PDGFD: variants seen among roughly 807,000 people sequenced by gnomAD.
PDGFD encodes the protein platelet derived growth factor D.
A neutral mutation model predicts 44.7 loss-of-function variants in PDGFD; 30 were observed. That is an observed-to-expected ratio of 0.67 (90% CI 0.50 to 0.91). The LOEUF (loss-of-function observed/expected upper bound fraction) is 0.91, where lower values mean the gene tolerates loss of function less well. Among genes scored for constraint, PDGFD ranks in the 40% least tolerant of loss-of-function variants. PDGFD has a pLI of 0.00. For missense variants in PDGFD, 445 were observed against 457.8 expected (o/e 0.97, Z 0.25); for synonymous variants, 173 against 168.4 (o/e 1.03, Z -0.21).
chr11:104,008,949 A>C (rs1455420092), intron 1 of PDGFD, among the ~76,000 whole-genome samples: 1 of 152,102 alleles, frequency 6.6e-6, no homozygotes, highest in Non-Finnish European at 1.5e-5. Context: ...TAAAGATAAC[A>C]AATAAAAGGC....
chr11:104,091,272 A>G (rs1451285315), intron 1 of PDGFD, among the ~76,000 whole-genome samples: 1 of 152,220 alleles, frequency 6.6e-6, no homozygotes, highest in Non-Finnish European at 1.5e-5. Flanking sequence ...CTTAAAAAAA[A>G]GAAATGTTTA....
intron 1 of PDGFD, among the ~76,000 whole-genome samples, chr11:104,160,484 T>C (rs1383925106): frequency 6.6e-6 from 1 of 152,212 alleles, no homozygotes; most frequent in Non-Finnish European, 1.5e-5. Flanking sequence ...GGCCAGTTAT[T>C]ATTACAAAAG....
chr11:104,162,678 G>A (rs918795182), intron 1 of PDGFD, among the ~76,000 whole-genome samples: 1 of 152,054 alleles, frequency 6.6e-6, no homozygotes, highest in Non-Finnish European at 1.5e-5. Context: ...TCCCTGCAAA[G>A]TCCAAAAGTC....
chr11:104,148,595 T>G (rs926160721), intron 1 of PDGFD, among the ~76,000 whole-genome samples: 3 of 152,228 alleles, frequency 2.0e-5, no homozygotes, highest in African/African-American at 7.2e-5. Flanking sequence ...TATTACATTT[T>G]TAACTTTTAT....
intron 5 of PDGFD, among the ~76,000 whole-genome samples, chr11:103,932,300 A>C (rs1858414779): frequency 1.3e-5 from 2 of 152,174 alleles, no homozygotes; most frequent in African/African-American, 4.8e-5. Flanking sequence ...TATATGAGCT[A>C]TTAAACCTCT....
At chr11:104,127,306 C>T (rs1245367620) in intron 1 of PDGFD, among the ~76,000 whole-genome samples, 1 of 152,084 alleles carries the variant, frequency 6.6e-6, no homozygotes, top group East Asian at 1.9e-4. Context: ...TCCCACCCAT[C>T]GACCTTCTGA....
chr11:103,988,463 T>C (rs1859404056), intron 3 of PDGFD, among the ~76,000 whole-genome samples: 1 of 152,082 alleles, frequency 6.6e-6, no homozygotes, highest in South Asian at 2.1e-4. Flanking sequence ...TGAAGAAAAT[T>C]ACAGCAGTAA....
chr11:104,077,698 T>G (rs1386761901), intron 1 of PDGFD, among the ~76,000 whole-genome samples: 2 of 151,556 alleles, frequency 1.3e-5, no homozygotes, highest in Non-Finnish European at 2.9e-5. Context: ...GATTTCCTCA[T>G]GATCCTCCAT....
intron 1 of PDGFD, among the ~76,000 whole-genome samples, chr11:104,032,262 G>C (rs1860139804): frequency 6.6e-6 from 1 of 152,074 alleles, no homozygotes; most frequent in Non-Finnish European, 1.5e-5. Flanking sequence ...GCTCATGACT[G>C]TTCTGGCACA....
chr11:103,969,112 C>T (rs1016213941), intron 3 of PDGFD, among the ~76,000 whole-genome samples: 1 of 152,174 alleles, frequency 6.6e-6, no homozygotes, highest in Non-Finnish European at 1.5e-5. Flanking sequence ...TCACAGTATA[C>T]TTTTTCATCA....
At chr11:103,928,090 A>C (rs1019461382) in intron 5 of PDGFD, among the ~76,000 whole-genome samples, 11 of 152,240 alleles carry the variant, frequency 7.2e-5, no homozygotes, top group Admixed American at 1.3e-4. Flanking sequence ...ATGAACTAAA[A>C]GCACCACAAT....
intron 1 of PDGFD, chr11:104,036,800 C>G (rs757379631): frequency 6.3e-7 from 1 of 1,596,128 alleles, no homozygotes; most frequent in Non-Finnish European, 8.6e-7. Flanking sequence ...CCTCTGCTAG[C>G]CCGGCCCGCC....
intron 1 of PDGFD, among the ~76,000 whole-genome samples, chr11:104,121,977 C>T (rs563384974): frequency 9.2e-5 from 14 of 151,872 alleles, no homozygotes; most frequent in Non-Finnish European, 2.1e-4. Context: ...AGTAGCAAAC[C>T]TAGGGATATC....
chr11:104,114,024 A>G (rs1861597805), intron 1 of PDGFD, among the ~76,000 whole-genome samples: 1 of 152,092 alleles, frequency 6.6e-6, no homozygotes, highest in East Asian at 1.9e-4. Flanking sequence ...TTTTACAAAT[A>G]TCTTCTCCCA....
chr11:104,055,949 T>C (rs1202367433), intron 1 of PDGFD, among the ~76,000 whole-genome samples: 1 of 152,194 alleles, frequency 6.6e-6, no homozygotes. Flanking sequence ...TTTTTCCTTT[T>C]AAAATAACAG....
In PDGFD at chr11:103,929,432, T is replaced by A. The variant is rs553110383; in HGVS notation, c.773-2306A>T. Among the ~76,000 whole-genome samples the A allele has an allele frequency of 2.0e-5, 3 of 152,300 alleles. No individual in the cohort carries two copies. In the East Asian group the frequency reaches 5.8e-4, roughly 29 times the overall value. ...TACAGCATGCCTTCCCTATAGGAAT[T>A]CCAATAAACTCCAAAGTGCCCTCCA... is the stretch of plus-strand genomic sequence containing the variant. On this transcript the variant is annotated intron_variant, in intron 5 of 6. Coordinates refer to ENST00000393158, the MANE Select transcript of PDGFD (RefSeq NM_025208.5).
chr11:103,933,948 G>C lies in PDGFD; in HGVS notation c.773-6822C>G, dbSNP rs552418506. Among the ~76,000 whole-genome samples, 6 of 152,190 alleles carry C rather than the reference G, an allele frequency of 3.9e-5. 1 individual carries two copies. In the South Asian group the frequency reaches 1.2e-3, roughly 32 times the overall value. On this transcript the variant is annotated intron_variant, in intron 5 of 6. Transcript: ENST00000393158. ...CTGAACCCTGGGAATTCATGACCTG[G>C]GGTGATGTATAAAGCATATCTATGA...
In PDGFD at chr11:104,163,921, G is replaced by A. The variant is rs147228586; in HGVS notation, c.7C>T (p.Arg3Trp). 6 of 1,541,928 alleles carry A rather than the reference G, an allele frequency of 3.9e-6. No homozygotes were observed. Among genetic ancestry groups the A allele is most frequent in the Non-Finnish European group, 5.3e-6 (6 of 1,130,188 alleles). The change falls in exon 1 of 7, where the codon CGG (arginine) becomes TGG (tryptophan). Residue 3 changes from arginine (R) to tryptophan (W), a missense_variant. Coordinates refer to ENST00000393158, the MANE Select transcript of PDGFD (RefSeq NM_025208.5). MH[R>W]LIFVYTLICA... The stretch of plus-strand genomic sequence containing the variant: ...ATTAGAGTGTAGACAAAGATGAGCC[G>A]GTGCATTTGGGATCAGCGACTAGAG...
chr11:103,993,974 A>G lies in PDGFD; in HGVS notation c.510+2091T>C, dbSNP rs117446981. On this transcript the variant is annotated intron_variant, in intron 3 of 6. Transcript: ENST00000393158. ...ATATACTGGTGGAGGTAAATAAGCCAGGAGAGTGATGCCAAACAGTTTACA... is the reference window on the plus strand; with the variant it reads ...ATATACTGGTGGAGGTAAATAAGCCGGGAGAGTGATGCCAAACAGTTTACA... 2.0e-3 allele frequency among the ~76,000 whole-genome samples: 302 copies of G among 152,344 alleles called. 5 individuals are homozygous for G. The East Asian group carries it at 0.046, about 23-fold the overall frequency.
Sources: gnomAD v4.1 joint callset for allele counts (sites outside exome capture counted in the v4.1 genomes callset) on GRCh38, gnomAD v4.1.1 for gene constraint, MANE v1.5 for transcripts, NCBI Gene and HGNC (gene_info 2026-07-23, HGNC 2026-07-21) for gene names.